Variants in PTPN22 observed in about 807,000 individuals in gnomAD.
The protein encoded by PTPN22 is tyrosine-protein phosphatase non-receptor type 22.
A neutral mutation model predicts 103.3 loss-of-function variants in PTPN22; 85 were observed. That is an observed-to-expected ratio of 0.82 (90% CI 0.69 to 0.99). PTPN22 has a LOEUF of 0.99. Among genes scored for constraint, PTPN22 ranks in the 50% least tolerant of loss-of-function variants. PTPN22 has a pLI of 0.00. For synonymous variants in PTPN22, 323 were observed against 310.2 expected (o/e 1.04, Z -0.43); for missense variants, 865 against 936.9 (o/e 0.92, Z 1.00).
In PTPN22 at chr1:113,855,014, A is replaced by G. The variant is rs199570322; in HGVS notation, c.576T>C (p.Asn192=). ...ATGAAGGTACATCATGGTCTGGCCA[A>G]TTCTTGTAATGAAACTGGTAGATAG... Residue 192 remains asparagine (N), a synonymous_variant, in exon 8 of 21, where the codon AAT becomes AAC. Transcript: ENST00000359785. 1.7e-4 allele frequency: 275 copies of G among 1,610,218 alleles called. No homozygotes were observed. The highest frequency in any genetic ancestry group is 2.2e-4 in the Non-Finnish European group (264 of 1,176,376).
intron 19 of PTPN22, among the ~76,000 whole-genome samples, chr1:113,821,746 T>C (rs1661633188): frequency 6.6e-6 from 1 of 152,238 alleles, no homozygotes; most frequent in Non-Finnish European, 1.5e-5. Context: ...TTAGAGCTGA[T>C]TGTACCTTTA....
At chr1:113,824,578 T>C (rs1661885731) in intron 19 of PTPN22, among the ~76,000 whole-genome samples, 1 of 152,242 alleles carries the variant, frequency 6.6e-6, no homozygotes, top group South Asian at 2.1e-4. Context: ...GCTTATTTCA[T>C]GAAGTCAACA....
intron 4 of PTPN22, 156 bp from the exon 5 acceptor site, chr1:113,857,932 T>C (rs1263035738): frequency 7.0e-6 from 4 of 567,700 alleles, no homozygotes; most frequent in Non-Finnish European, 1.2e-5. Flanking sequence ...TTATAAAATA[T>C]TGCTGCTACT....
At chr1:113,858,559 G>A (rs763876324) in exon 4 of PTPN22, 7 of 1,591,266 alleles carry the variant, frequency 4.4e-6, no homozygotes, top group Non-Finnish European at 6.0e-6. Flanking sequence ...TATAAGCCTT[G>A]GGTCCATAAA....
At chr1:113,832,642 T>C (rs896659515) in intron 16 of PTPN22, among the ~76,000 whole-genome samples, 1 of 152,232 alleles carries the variant, frequency 6.6e-6, no homozygotes, top group African/African-American at 2.4e-5. Flanking sequence ...TGAATAAATA[T>C]GTTAAGGGCA....
intron 11 of PTPN22, among the ~76,000 whole-genome samples, chr1:113,838,874 G>A (rs1223291342): frequency 6.6e-6 from 1 of 152,010 alleles, no homozygotes; most frequent in Non-Finnish European, 1.5e-5. Context: ...TTCAAATGTG[G>A]GAGTTTTAAA....
At chr1:113,837,544 C>G in intron 13 of PTPN22, 46 bp downstream of exon 13, 1 of 1,359,470 alleles carries the variant, frequency 7.4e-7, no homozygotes. Flanking sequence ...TCTATAGAAA[C>G]AAAATGAAAT....
intron 18 of PTPN22, among the ~76,000 whole-genome samples, chr1:113,825,495 C>T (rs552369307): frequency 6.6e-5 from 10 of 152,164 alleles, no homozygotes; most frequent in Admixed American, 5.9e-4. Context: ...CTCAGGAGTT[C>T]AGGACCATCT....
intron 19 of PTPN22, among the ~76,000 whole-genome samples, chr1:113,822,357 C>G (rs1661683877): frequency 6.6e-6 from 1 of 152,182 alleles, no homozygotes; most frequent in Non-Finnish European, 1.5e-5. Flanking sequence ...AAATAGGAAA[C>G]AGAGCATGTA....
intron 15 of PTPN22, 145 bp from the exon 16 acceptor site, chr1:113,833,283 G>C (rs905171155): frequency 1.8e-6 from 1 of 563,694 alleles, no homozygotes; most frequent in Non-Finnish European, 3.0e-6. Flanking sequence ...TTCCTAATTT[G>C]TAAGTGTGCT....
At position 113,861,578 on chromosome 1, in the gene PTPN22, C is replaced by A. The variant is rs919345862; in HGVS notation, c.88-2118G>T. ...ATTTTTAGTAGAGACAGGGTTTCGC[C>A]ATGTTGGCCAGGCTGGTCTTGAACT... On this transcript the variant is annotated intron_variant, in intron 1 of 20. Transcript: ENST00000359785. 1.3e-5 allele frequency among the ~76,000 whole-genome samples: 2 copies of A among 151,338 alleles called. 1 individual carries two copies. Among genetic ancestry groups the A allele is most frequent in the Admixed American group, 1.3e-4 (2 of 15,158 alleles).
intron 11 of PTPN22, among the ~76,000 whole-genome samples, chr1:113,842,692 A>C (rs1162667272): frequency 6.6e-6 from 1 of 152,074 alleles, no homozygotes; most frequent in Non-Finnish European, 1.5e-5. Flanking sequence ...CAAATAAACA[A>C]AAAACAGAAA....
chr1:113,847,622 A>C (rs994308998), intron 11 of PTPN22, among the ~76,000 whole-genome samples: 1 of 148,540 alleles, frequency 6.7e-6, no homozygotes, highest in African/African-American at 2.5e-5. Flanking sequence ...TCTGTCACCT[A>C]GGCTGGAGTG....
intron 20 of PTPN22, among the ~76,000 whole-genome samples, chr1:113,816,440 T>TG (rs1273488819): frequency 2.3e-5 from 2 of 88,278 alleles, no homozygotes; most frequent in East Asian, 4.2e-4. Flanking sequence ...AAAAAAGAAT[T>TG]GAAAAAAAAA....
At chr1:113,850,507 T>C (rs1165835569) in intron 10 of PTPN22, among the ~76,000 whole-genome samples, 1 of 152,250 alleles carries the variant, frequency 6.6e-6, no homozygotes, top group African/African-American at 2.4e-5. Context: ...TTGCTATTTA[T>C]ATAACTAGGT....
At chr1:113,834,772 G>T in intron 14 of PTPN22, 138 bp downstream of exon 14, 1 of 776,228 alleles carries the variant, frequency 1.3e-6, no homozygotes, top group African/African-American at 1.8e-5. Context: ...TGTTGCGCAG[G>T]CTAGTCTTGA....
chr1:113,823,294 C>T (rs1458434100), intron 19 of PTPN22: 2 of 152,142 alleles, frequency 1.3e-5, no homozygotes, highest in African/African-American at 4.8e-5. Flanking sequence ...CTTAAAATAA[C>T]AGAAGAAGAA....
intron 20 of PTPN22, among the ~76,000 whole-genome samples, chr1:113,817,445 T>G (rs9429730): frequency 0.74 from 111,878 of 150,676 alleles, 42,340 homozygotes; most frequent in African/African-American, 0.89. Flanking sequence ...GATTTTTGGG[T>G]TTTTTTTTCC....
At chr1:113,838,648 T>A in intron 11 of PTPN22, 28 bp from the exon 12 acceptor site, 1 of 1,600,766 alleles carries the variant, frequency 6.2e-7, no homozygotes, top group Non-Finnish European at 8.5e-7. Flanking sequence ...CAGAGGCTGG[T>A]TTTCAGTGAA....
Sources: gnomAD v4.1 joint callset for allele counts (sites outside exome capture counted in the v4.1 genomes callset) on GRCh38, gnomAD v4.1.1 for gene constraint, MANE v1.5 for transcripts, NCBI Gene and HGNC (gene_info 2026-07-23, HGNC 2026-07-21) for gene names.